LRP1B: variants seen among roughly 807,000 people sequenced by gnomAD.
The protein encoded by LRP1B is LDL receptor related protein 1B, also known as low-density lipoprotein receptor-related protein 1B.
In LRP1B, 217 loss-of-function variants were observed where a neutral mutation model predicts 556.6. The observed-to-expected ratio is 0.39, with a 90% CI of 0.35 to 0.44. LRP1B has a LOEUF of 0.44. LRP1B is among the 20% of genes least tolerant of loss of function. LRP1B has a pLI of 1.00. For synonymous variants in LRP1B, 2,047 were observed against 1,865.8 expected, an observed-to-expected ratio of 1.10 and a Z score of -2.50; for missense variants, 5,053 against 5,620.8, an observed-to-expected ratio of 0.90 and a Z score of 3.23.
intron 25 of LRP1B, among the ~76,000 whole-genome samples, chr2:140,882,432 G>A (rs1559173084): frequency 6.6e-6 from 1 of 152,148 alleles, no homozygotes; most frequent in African/African-American, 2.4e-5. Context: ...ATACTTCCAG[G>A]CTAAGAGAAA....
intron 2 of LRP1B, among the ~76,000 whole-genome samples, chr2:141,638,230 T>C (rs1310179978): frequency 2.0e-5 from 3 of 152,024 alleles, no homozygotes; most frequent in Non-Finnish European, 2.9e-5. Context: ...CCCTCTACTC[T>C]GTGTGGCTCC....
chr2:140,315,887 G>T (rs1197178054), intron 82 of LRP1B, among the ~76,000 whole-genome samples: 1 of 152,054 alleles, frequency 6.6e-6, no homozygotes, highest in African/African-American at 2.4e-5. Context: ...CAAACTAAAA[G>T]TCATTGAGAT....
chr2:141,127,211 A>T (rs1438583933), intron 7 of LRP1B, among the ~76,000 whole-genome samples: 2 of 152,190 alleles, frequency 1.3e-5, no homozygotes, highest in Non-Finnish European at 2.9e-5. Flanking sequence ...ACCAGTTAGA[A>T]TGGTGATAAT....
At chr2:140,915,691 A>G (rs1694554160) in intron 21 of LRP1B, among the ~76,000 whole-genome samples, 1 of 151,232 alleles carries the variant, frequency 6.6e-6, no homozygotes, top group African/African-American at 2.4e-5. Context: ...TAAATAAAAT[A>G]AATCTAAAAA....
intron 23 of LRP1B, among the ~76,000 whole-genome samples, chr2:140,888,673 G>T (rs980089982): frequency 1.9e-4 from 29 of 151,878 alleles, no homozygotes; most frequent in Admixed American, 8.5e-4. Context: ...GACTTAAAAA[G>T]AAATAGAAGG....
At chr2:141,842,816 A>G (rs1208689459) in intron 1 of LRP1B, among the ~76,000 whole-genome samples, 5 of 152,146 alleles carry the variant, frequency 3.3e-5, no homozygotes, top group Admixed American at 2.0e-4. Context: ...TGACCTGTCA[A>G]ATACATTTAG....
chr2:140,710,515 CTATA>C (rs1481656980), intron 37 of LRP1B, among the ~76,000 whole-genome samples: 1 of 151,708 alleles, frequency 6.6e-6, no homozygotes, highest in Non-Finnish European at 1.5e-5. Flanking sequence ...TTATATTTCA[CTATA>C]TATGCATGAT....
intron 3 of LRP1B, among the ~76,000 whole-genome samples, chr2:141,256,595 TG>T (rs1684474883): frequency 6.6e-6 from 1 of 151,972 alleles, no homozygotes; most frequent in South Asian, 2.1e-4. Flanking sequence ...AATGGCAAAA[TG>T]CTAAATGAAG....
chr2:142,080,204 C>T (rs1247471763), intron 1 of LRP1B, among the ~76,000 whole-genome samples: 2 of 152,090 alleles, frequency 1.3e-5, no homozygotes, highest in Non-Finnish European at 2.9e-5. Flanking sequence ...TACATGTCTT[C>T]CAGATTATAG....
At chr2:141,675,173 A>T (rs188760088) in intron 2 of LRP1B, among the ~76,000 whole-genome samples, 27 of 152,088 alleles carry the variant, frequency 1.8e-4, no homozygotes, top group Non-Finnish European at 2.8e-4. Context: ...CACTAAATGC[A>T]CTGCAAACAT....
At chr2:140,676,853 T>C (rs770654735) in intron 41 of LRP1B, among the ~76,000 whole-genome samples, 3 of 152,234 alleles carry the variant, frequency 2.0e-5, no homozygotes, top group Admixed American at 6.5e-5. Flanking sequence ...TACAAATATT[T>C]ATTGTGTACC....
At chr2:141,294,647 G>GTC (rs1294017279) in intron 3 of LRP1B, among the ~76,000 whole-genome samples, 2 of 151,734 alleles carry the variant, frequency 1.3e-5, no homozygotes, top group African/African-American at 4.8e-5. Context: ...GGCTGAGGTG[G>GTC]GGGGATGGCT....
intron 41 of LRP1B, among the ~76,000 whole-genome samples, chr2:140,659,474 T>C (rs1004437223): frequency 6.6e-6 from 1 of 152,068 alleles, no homozygotes; most frequent in African/African-American, 2.4e-5. Flanking sequence ...CTTTGCAGTG[T>C]ACTGAGTTTT....
chr2:142,090,186 C>T (rs1706110520), intron 1 of LRP1B, among the ~76,000 whole-genome samples: 1 of 152,024 alleles, frequency 6.6e-6, no homozygotes, highest in Non-Finnish European at 1.5e-5. Context: ...AATATAATTT[C>T]AAATGCCTTT....
intron 6 of LRP1B, among the ~76,000 whole-genome samples, chr2:141,203,150 G>A (rs1682115652): frequency 6.6e-6 from 1 of 152,084 alleles, no homozygotes; most frequent in South Asian, 2.1e-4. Context: ...AAAACAACTA[G>A]ATAGCATCAT....
chr2:140,451,052 C>T (rs1686864586), intron 62 of LRP1B, among the ~76,000 whole-genome samples: 1 of 152,176 alleles, frequency 6.6e-6, no homozygotes, highest in South Asian at 2.1e-4. Context: ...AGAGATTCTC[C>T]CACCTCAGCC....
intron 86 of LRP1B, among the ~76,000 whole-genome samples, chr2:140,268,889 G>A (rs1310181315): frequency 6.6e-6 from 1 of 151,868 alleles, no homozygotes; most frequent in Non-Finnish European, 1.5e-5. Context: ...AAACAAAATA[G>A]AGCGCTTCAT....
intron 2 of LRP1B, among the ~76,000 whole-genome samples, chr2:141,557,025 T>C (rs1425012618): frequency 2.6e-5 from 4 of 151,792 alleles, no homozygotes; most frequent in Non-Finnish European, 4.4e-5. Context: ...AGTCACTCTA[T>C]TCTCTGCTGA....
intron 59 of LRP1B, among the ~76,000 whole-genome samples, chr2:140,480,643 G>T (rs954655931): frequency 1.3e-5 from 2 of 151,946 alleles, no homozygotes; most frequent in African/African-American, 4.8e-5. Flanking sequence ...GTTTCACCAT[G>T]TTGACCAGGC....
Sources: gnomAD v4.1 joint callset for allele counts (sites outside exome capture counted in the v4.1 genomes callset) on GRCh38, gnomAD v4.1.1 for gene constraint, MANE v1.5 for transcripts, NCBI Gene and HGNC (gene_info 2026-07-23, HGNC 2026-07-21) for gene names.